Variants in LRMDA observed in about 807,000 individuals in gnomAD.
The protein encoded by LRMDA is leucine-rich melanocyte differentiation-associated protein.
LRMDA carries 18 observed loss-of-function variants against 29.8 expected under a neutral mutation model. The observed-to-expected ratio is 0.60, with a 90% CI of 0.42 to 0.90. LRMDA has a LOEUF of 0.90. LRMDA is among the 40% of genes least tolerant of loss of function. The probability of loss-of-function intolerance (pLI) is 0.00; values close to 1 mark genes in which losing one functional copy is unlikely to be tolerated. For missense variants in LRMDA, 273 were observed against 273.9 expected, an observed-to-expected ratio of 1.00 and a Z score of 0.02; for synonymous variants, 125 against 109.4, an observed-to-expected ratio of 1.14 and a Z score of -0.89.
intron 4 of LRMDA, among the ~76,000 whole-genome samples, chr10:76,049,135 G>T (rs1223309090): frequency 2.6e-5 from 4 of 152,130 alleles, no homozygotes; most frequent in Non-Finnish European, 4.4e-5. Context: ...TTTAGGGAGG[G>T]CTGGATTCTA....
intron 2 of LRMDA, among the ~76,000 whole-genome samples, chr10:75,615,863 G>A (rs1158359208): frequency 2.6e-5 from 4 of 152,170 alleles, no homozygotes; most frequent in African/African-American, 4.8e-5. Context: ...GATAATGGGT[G>A]TCACAGGAAA....
chr10:75,966,299 A>T (rs1229770561), intron 2 of LRMDA, among the ~76,000 whole-genome samples: 2 of 152,198 alleles, frequency 1.3e-5, no homozygotes, highest in African/African-American at 4.8e-5. Flanking sequence ...GACCTTAGGC[A>T]GGTTTCTTCA....
intron 2 of LRMDA, among the ~76,000 whole-genome samples, chr10:75,953,227 C>G (rs2132421830): frequency 6.6e-6 from 1 of 152,270 alleles, no homozygotes; most frequent in East Asian, 1.9e-4. Flanking sequence ...CACACACCAC[C>G]ATGCCCAGCT....
intron 5 of LRMDA, among the ~76,000 whole-genome samples, chr10:76,232,130 A>C (rs924137693): frequency 6.6e-6 from 1 of 152,222 alleles, no homozygotes; most frequent in African/African-American, 2.4e-5. Flanking sequence ...GAGTCTGAAT[A>C]ATAATAAACT....
intron 6 of LRMDA, among the ~76,000 whole-genome samples, chr10:76,354,719 G>A (rs550745191): frequency 1.1e-4 from 16 of 152,082 alleles, no homozygotes; most frequent in Admixed American, 2.6e-4. Context: ...ATATCTATGC[G>A]GTGCATGTGG....
At chr10:75,434,371 A>G (rs1844242264) in intron 1 of LRMDA, among the ~76,000 whole-genome samples, 1 of 152,228 alleles carries the variant, frequency 6.6e-6, no homozygotes, top group African/African-American at 2.4e-5. Flanking sequence ...AGGATTGAAT[A>G]GATAACAAGC....
At chr10:76,063,728 A>C (rs1156755068) in intron 5 of LRMDA, among the ~76,000 whole-genome samples, 3 of 151,936 alleles carry the variant, frequency 2.0e-5, no homozygotes, top group Admixed American at 2.0e-4. Context: ...GGGCCTGAGA[A>C]TCACCTGCTC....
intron 2 of LRMDA, among the ~76,000 whole-genome samples, chr10:75,628,197 A>G (rs1217268735): frequency 1.3e-5 from 2 of 152,236 alleles, no homozygotes; most frequent in South Asian, 2.1e-4. Context: ...CTACACCTAC[A>G]ACTACTAATA....
chr10:75,679,908 A>T (rs994936813), intron 2 of LRMDA, among the ~76,000 whole-genome samples: 27 of 148,312 alleles, frequency 1.8e-4, no homozygotes, highest in Admixed American at 2.0e-4. Context: ...CACAGGAAAT[A>T]AAAAAAAAAC....
chr10:76,147,153 A>G (rs1396632207), intron 5 of LRMDA, among the ~76,000 whole-genome samples: 1 of 152,064 alleles, frequency 6.6e-6, no homozygotes, highest in Non-Finnish European at 1.5e-5. Flanking sequence ...GAATCTGACA[A>G]TTATGTGTCT....
chr10:75,947,503 C>A (rs1846497316), intron 2 of LRMDA, among the ~76,000 whole-genome samples: 1 of 152,154 alleles, frequency 6.6e-6, no homozygotes, highest in South Asian at 2.1e-4. Context: ...GGCCCATGTC[C>A]ATTCCATGCC....
intron 2 of LRMDA, among the ~76,000 whole-genome samples, chr10:75,860,327 T>G (rs999391067): frequency 5.5e-5 from 8 of 146,008 alleles, no homozygotes; most frequent in Admixed American, 2.0e-4. Flanking sequence ...TTTTTTTTTT[T>G]TTTTTTTTTT....
In LRMDA at chr10:76,056,808, G is replaced by GGTCTGCAGCTGCAGCTGGGC. The variant is rs573139432; in HGVS notation, c.399-1857_399-1838dup. Among the ~76,000 whole-genome samples the GGTCTGCAGCTGCAGCTGGGC allele has an allele frequency of 1.3e-3, 195 of 152,250 alleles. 1 individual carries two copies. The highest frequency in any genetic ancestry group is 1.0e-2 in the Admixed American group (153 of 15,306). The stretch of plus-strand genomic sequence containing the variant: ...GCCCCCAAGAGCACAGGGATGCCTG[G>GGTCTGCAGCTGCAGCTGGGC]GTCTGCAGCTGCAGCTGGGCAGCTG... On this transcript the variant is annotated intron_variant, in intron 4 of 6. Transcript: ENST00000611255.
intron 2 of LRMDA, among the ~76,000 whole-genome samples, chr10:75,785,052 T>G (rs148485007): frequency 6.6e-6 from 1 of 152,320 alleles, no homozygotes; most frequent in African/African-American, 2.4e-5. Flanking sequence ...GCGTGTGGCA[T>G]GGACGCGCAG....
chr10:75,532,774 C>T (rs1845493247), intron 2 of LRMDA, among the ~76,000 whole-genome samples: 1 of 152,084 alleles, frequency 6.6e-6, no homozygotes, highest in African/African-American at 2.4e-5. Flanking sequence ...CTGACCCTAC[C>T]CTAGACCTGG....
rs1384674227 is a variant in LRMDA, at chr10:76,557,861, A to AT, written c.*577dup. On this transcript the variant is annotated 3_prime_UTR_variant, in exon 7 of 7. Coordinates refer to ENST00000611255, the MANE Select transcript of LRMDA (RefSeq NM_001305581.2). ...TCCCCTCCACCTTCCTTTAGCATCG[A>AT]TTTTATGACAGGTGGTGCATTTCAG... 2 of 152,268 alleles carry AT rather than the reference A, an allele frequency of 1.3e-5. No homozygotes were observed. The highest frequency in any genetic ancestry group is 2.9e-5 in the Non-Finnish European group (2 of 68,234). The allele number at this position is 152,268 out of a possible 1,614,324, so 9.4% of individuals were successfully genotyped here.
intron 4 of LRMDA, among the ~76,000 whole-genome samples, chr10:76,048,172 A>T (rs1414976073): frequency 1.3e-5 from 2 of 152,126 alleles, no homozygotes; most frequent in East Asian, 3.9e-4. Context: ...TAACTTAATA[A>T]ATTTTGTATA....
chr10:76,277,659 G>A (rs1840151971), intron 5 of LRMDA, among the ~76,000 whole-genome samples: 1 of 152,048 alleles, frequency 6.6e-6, no homozygotes, highest in Admixed American at 6.5e-5. Flanking sequence ...TCATGTTTGA[G>A]TAACTCTGAA....
chr10:76,520,788 C>T (rs948505376), intron 6 of LRMDA, among the ~76,000 whole-genome samples: 2 of 152,088 alleles, frequency 1.3e-5, no homozygotes, highest in Non-Finnish European at 2.9e-5. Flanking sequence ...ATGTTCTTTG[C>T]CAGGGATATT....
Sources: gnomAD v4.1 joint callset for allele counts (sites outside exome capture counted in the v4.1 genomes callset) on GRCh38, gnomAD v4.1.1 for gene constraint, MANE v1.5 for transcripts, NCBI Gene and HGNC (gene_info 2026-07-23, HGNC 2026-07-21) for gene names.